Variants in WNT6 observed in about 807,000 individuals in gnomAD.
WNT6 encodes protein Wnt-6.
Under a neutral mutation model 33.1 loss-of-function variants are expected in WNT6, and 27 were observed. The ratio of observed to expected loss-of-function variants is 0.82; its 90% confidence interval spans 0.60 to 1.12. The LOEUF is 1.12. Ranked by LOEUF, WNT6 falls within the 50% of genes most tolerant of loss-of-function variation. WNT6 has a pLI of 0.00. For missense variants in WNT6, 494 were observed against 535.3 expected (o/e 0.92, Z 0.76); for synonymous variants, 249 against 242.8 (o/e 1.03, Z -0.24).
At chr2:218,862,032 G>A (rs1047953058) in intron 1 of WNT6, among the ~76,000 whole-genome samples, 1 of 152,192 alleles carries the variant, frequency 6.6e-6, no homozygotes, top group Admixed American at 6.5e-5. Flanking sequence ...TATCTGTGGG[G>A]CTTCCTTTGT....
Position 218,873,315 on chromosome 2 carries a change from G to A in WNT6, c.637-69G>A. 7.1e-7 allele frequency: 1 copy of A among 1,412,394 alleles called. No homozygotes were observed. Among genetic ancestry groups the A allele is most frequent in the Non-Finnish European group, 9.5e-7 (1 of 1,056,384 alleles). 87.5% of individuals were successfully genotyped at this position (1,412,394 alleles called of 1,614,324 possible). On this transcript the variant is annotated intron_variant, in intron 3 of 3. Coordinates refer to ENST00000233948, the MANE Select transcript of WNT6 (RefSeq NM_006522.4). This position sits in a 1 kb window ranked among gnomAD's most constrained non-coding sequence, Gnocchi z 6.1. ...CCTCCCATTCCCAATCTTATTTTCT[G>A]TCCATCCGCTGGGCCCTTCCCTGCA...
intron 1 of WNT6, among the ~76,000 whole-genome samples, chr2:218,864,365 T>C (rs1161992253): frequency 6.6e-6 from 1 of 152,114 alleles, no homozygotes; most frequent in African/African-American, 2.4e-5. Context: ...GTTCAAGTGA[T>C]TCTCCTACCT....
Position 218,871,245 on chromosome 2 carries a change from A to G in WNT6, c.299A>G (p.Gln100Arg). The change falls in exon 2 of 4, where the codon CAG becomes CGG. Residue 100 changes from glutamine (Q) to arginine (R), a missense_variant and splice_region_variant. Gln to Arg is a conservative substitution (Grantham distance 43). Coordinates refer to ENST00000233948, the MANE Select transcript of WNT6 (RefSeq NM_006522.4). This position sits in a 1 kb window ranked among gnomAD's most constrained non-coding sequence, Gnocchi z 6.4. ...AAGGCCTTTGGACGCATCCTGCAAC[A>G]GGGTCAGTGTGGGGAGGGGGCGGAA... ...HSKAFGRILQ[Q>R]DIRETAFVFA... The G allele has an allele frequency of 6.2e-7, 1 of 1,608,578 alleles. No homozygotes were observed. The highest frequency in any genetic ancestry group is 1.1e-5 in the South Asian group (1 of 90,524).
In WNT6 at chr2:218,867,739, C is replaced by T. The variant is rs57642653; in HGVS notation, c.81-3288C>T. On this transcript the variant is annotated intron_variant, in intron 1 of 3. Coordinates refer to ENST00000233948, the MANE Select transcript of WNT6 (RefSeq NM_006522.4). The surrounding 1 kb of genome is among the most constrained non-coding windows in gnomAD (Gnocchi z 4.9). ...TCTCTGGGCTGATCCTAGGCCAATG[C>T]TGACCCAAAGGCCTGAAAAGCAGAG... 0.25 allele frequency among the ~76,000 whole-genome samples: 38,412 copies of T among 152,126 alleles called. 5,934 individuals carry two copies. The highest frequency in any genetic ancestry group is 0.44 in the East Asian group (2,286 of 5,170).
Position 218,868,044 on chromosome 2 carries a change from G to A in WNT6, c.81-2983G>A, listed in dbSNP as rs73993326. Among the ~76,000 whole-genome samples the A allele has an allele frequency of 5.5e-3, 835 of 152,234 alleles. 11 individuals carry two copies. The highest frequency in any genetic ancestry group is 0.019 in the African/African-American group (810 of 41,540). On this transcript the variant is annotated intron_variant, in intron 1 of 3. Transcript: ENST00000233948. Reference sequence around the variant, plus strand: ...GGAGTTTCATTTCCTATGTATTTAGGATGGGAGCAAGGACAGGAGGGCAGG... The same window carrying A: ...GGAGTTTCATTTCCTATGTATTTAGAATGGGAGCAAGGACAGGAGGGCAGG...
rs940500990 is a variant in WNT6 at position 218,871,470 on chromosome 2, T to C, written c.302-15T>C. 2 of 1,595,824 alleles carry C rather than the reference T, an allele frequency of 1.3e-6. No individual in the cohort carries two copies. The highest frequency in any genetic ancestry group is 2.7e-5 in the African/African-American group (2 of 74,470). ...CGCCCCAGCCCGCGCTGATTGCACC[T>C]GTCTGCATTCACAGACATTCGGGAG... On this transcript the variant is annotated splice_polypyrimidine_tract_variant and intron_variant, in intron 2 of 3. Transcript: ENST00000233948. This position sits in a 1 kb window ranked among gnomAD's most constrained non-coding sequence, Gnocchi z 6.4.
intron 1 of WNT6, among the ~76,000 whole-genome samples, chr2:218,862,599 T>C (rs4281897): frequency 6.6e-6 from 1 of 152,170 alleles, no homozygotes; most frequent in East Asian, 1.9e-4. Flanking sequence ...GTCAGGCTGG[T>C]CTCAAACTCC....
intron 1 of WNT6, among the ~76,000 whole-genome samples, 190 bp downstream of exon 1, chr2:218,860,307 C>G (rs1367352100): frequency 6.6e-6 from 1 of 152,152 alleles, no homozygotes; most frequent in Non-Finnish European, 1.5e-5. Context: ...TATTGTGTTT[C>G]CTCCTCCCGG....
chr2:218,868,038 AT>A (rs777324055), intron 1 of WNT6, among the ~76,000 whole-genome samples: 9 of 152,088 alleles, frequency 5.9e-5, no homozygotes, highest in Non-Finnish European at 8.8e-5. Flanking sequence ...TTTCCTATGT[AT>A]TTAGGATGGG....
intron 1 of WNT6, among the ~76,000 whole-genome samples, chr2:218,869,689 A>G (rs1944384018): frequency 6.6e-6 from 1 of 152,194 alleles, no homozygotes; most frequent in African/African-American, 2.4e-5. Flanking sequence ...CATTCTGATG[A>G]GAGCAGTTCC....
At chr2:218,865,344 G>C (rs190285353) in intron 1 of WNT6, among the ~76,000 whole-genome samples, 1 of 152,202 alleles carries the variant, frequency 6.6e-6, no homozygotes. Flanking sequence ...GCACTCCCTC[G>C]GGTGCTTCTC....
At chr2:218,872,642 G>T (rs937233929) in intron 3 of WNT6, among the ~76,000 whole-genome samples, 49 of 152,170 alleles carry the variant, frequency 3.2e-4, no homozygotes, top group Non-Finnish European at 6.9e-4. Flanking sequence ...TTCCAGAAAT[G>T]ATTTTCTTGG....
Position 218,873,599 on chromosome 2 carries a change from C to T in WNT6, c.852C>T (p.Leu284=), listed in dbSNP as rs764334443. The change falls in exon 4 of 4, where the codon CTC becomes CTT. Residue 284 remains leucine (L), a synonymous_variant. Transcript: ENST00000233948. This position sits in a 1 kb window ranked among gnomAD's most constrained non-coding sequence, Gnocchi z 6.1. ...TCAAGCCGCCGGGCCGAGCGGACCTCCTCTACGCCGCCGATTCGCCCGACT... is the reference window on the plus strand; with the variant it reads ...TCAAGCCGCCGGGCCGAGCGGACCTTCTCTACGCCGCCGATTCGCCCGACT... ...RTLKPPGRAD[L]LYAADSPDFC... The T allele has an allele frequency of 1.6e-5, 25 of 1,557,272 alleles. No homozygotes were observed. The East Asian group carries it at 5.3e-4, about 33-fold the overall frequency.
rs779638051 is a variant in WNT6 at position 218,871,245 on chromosome 2, A to T, written c.299A>T (p.Gln100Leu). Residue 100 changes from glutamine (Q) to leucine (L), a missense_variant and splice_region_variant, in exon 2 of 4, where the codon CAG (glutamine) becomes CTG (leucine). Transcript: ENST00000233948. This position sits in a 1 kb window ranked among gnomAD's most constrained non-coding sequence, Gnocchi z 6.4. ...HSKAFGRILQ[Q>L]DIRETAFVFA... ...AAGGCCTTTGGACGCATCCTGCAAC[A>T]GGGTCAGTGTGGGGAGGGGGCGGAA... 6 of 1,608,578 alleles carry T rather than the reference A, an allele frequency of 3.7e-6. No individual in the cohort carries two copies. Among genetic ancestry groups the T allele is most frequent in the Non-Finnish European group, 3.4e-6 (4 of 1,176,444 alleles).
At position 218,873,966 on chromosome 2, in the gene WNT6, C is replaced by T; in HGVS notation, c.*121C>T. On this transcript the variant is annotated 3_prime_UTR_variant, in exon 4 of 4. Coordinates refer to ENST00000233948, the MANE Select transcript of WNT6 (RefSeq NM_006522.4). This position sits in a 1 kb window ranked among gnomAD's most constrained non-coding sequence, Gnocchi z 6.1. Reference sequence around the variant, plus strand: ...CCAGCCTCTCCCTGCCAAAGCCCAACTCCCAGGGCTCTGGAAATGGTGAGG... The same window carrying T: ...CCAGCCTCTCCCTGCCAAAGCCCAATTCCCAGGGCTCTGGAAATGGTGAGG... 9.4e-7 allele frequency: 1 copy of T among 1,068,228 alleles called. No individual in the cohort carries two copies. The highest frequency in any genetic ancestry group is 1.8e-5 in the South Asian group (1 of 54,316). The allele number at this position is 1,068,228 out of a possible 1,614,324, so 66.2% of individuals were successfully genotyped here.
intron 1 of WNT6, among the ~76,000 whole-genome samples, chr2:218,862,256 G>A (rs920779069): frequency 6.6e-6 from 1 of 152,186 alleles, no homozygotes; most frequent in Non-Finnish European, 1.5e-5. Flanking sequence ...GCTCAGATGT[G>A]CCTCTGAGGG....
At chr2:218,869,254 A>G (rs1368600077) in intron 1 of WNT6, among the ~76,000 whole-genome samples, 1 of 152,118 alleles carries the variant, frequency 6.6e-6, no homozygotes, top group African/African-American at 2.4e-5. Context: ...ATGCACGTGC[A>G]CACACACGTG....
In WNT6 at chr2:218,873,636, A is replaced by G. The variant is rs1944425656; in HGVS notation, c.889A>G (p.Asn297Asp). 1 of 1,580,518 alleles carries G rather than the reference A, an allele frequency of 6.3e-7. No homozygotes were observed. Among genetic ancestry groups the G allele is most frequent in the Admixed American group, 1.7e-5 (1 of 59,036 alleles). The change falls in exon 4 of 4, where the codon AAC becomes GAC. Residue 297 changes from asparagine to aspartate, a missense_variant. Physicochemically the swap from Asn to Asp is conservative, Grantham distance 23. Transcript: ENST00000233948. This position sits in a 1 kb window ranked among gnomAD's most constrained non-coding sequence, Gnocchi z 6.1. ...CGATTCGCCCGACTTCTGCGCCCCC[A>G]ACCGACGCACCGGCTCCCCCGGCAC... is the stretch of plus-strand genomic sequence containing the variant. ...AADSPDFCAP[N>D]RRTGSPGTRG...
chr2:218,871,670 G>T lies in WNT6; in HGVS notation c.487G>T (p.Gly163Cys). 2 of 1,550,856 alleles carry T rather than the reference G, an allele frequency of 1.3e-6. No homozygotes were observed. The highest frequency in any genetic ancestry group is 1.7e-6 in the Non-Finnish European group (2 of 1,149,938). ...CCCTGGCCCCGCGGGCTCCCCGGAA[G>T]GCAGCGCCGCCTGGGAGTGGGGAGG... ...GPPGPAGSPE[G>C]SAAWEWGGCG... Residue 163 changes from glycine to cysteine, a missense_variant, in exon 3 of 4, where the codon GGC becomes TGC. Coordinates refer to ENST00000233948, the MANE Select transcript of WNT6 (RefSeq NM_006522.4). This position sits in a 1 kb window ranked among gnomAD's most constrained non-coding sequence, Gnocchi z 6.4.
Sources: allele counts gnomAD v4.1 joint callset (sites outside exome capture counted in the v4.1 genomes callset), GRCh38; gene constraint gnomAD v4.1.1; non-coding constraint Gnocchi (gnomAD v3.1); transcripts MANE v1.5; gene names NCBI Gene and HGNC (gene_info 2026-07-23, HGNC 2026-07-21).